Variants in STAB2 observed in about 807,000 individuals in gnomAD.
STAB2 encodes the protein stabilin 2.
A neutral mutation model predicts 338.1 loss-of-function variants in STAB2; 288 were observed. The observed-to-expected ratio is 0.85, with a 90% confidence interval of 0.77 to 0.94. The LOEUF is 0.94. Among genes scored for constraint, STAB2 ranks in the 40% least tolerant of loss-of-function variants. STAB2 has a pLI of 0.00. For synonymous variants in STAB2, 1,202 were observed against 1,193.3 expected, an observed-to-expected ratio of 1.01 and a Z score of -0.15; for missense variants, 3,141 against 3,210.1, an observed-to-expected ratio of 0.98 and a Z score of 0.52.
intron 2 of STAB2, among the ~76,000 whole-genome samples, chr12:103,593,527 C>T (rs942736113): frequency 6.6e-6 from 1 of 152,178 alleles, no homozygotes; most frequent in Non-Finnish European, 1.5e-5. Flanking sequence ...TTCTGCCCAC[C>T]TTCGTGAAGA....
In STAB2 at chr12:103,725,058, T is replaced by C; in HGVS notation, c.4767T>C (p.Ile1589=). ...ERTCTCKPNY[I]GDGFTCRGSI... ...CTTGTACTTGCAAGCCAAACTACAT[T>C]GGAGATGGATTTACCTGCCGCGGCA... Residue 1589 remains isoleucine (I), a synonymous_variant, in exon 45 of 69, where the codon ATT becomes ATC. Transcript: ENST00000388887. 2 of 1,613,476 alleles carry C rather than the reference T, an allele frequency of 1.2e-6. No homozygotes were observed. The highest frequency in any genetic ancestry group is 1.1e-5 in the South Asian group (1 of 91,058).
intron 39 of STAB2, among the ~76,000 whole-genome samples, chr12:103,710,499 T>A (rs1316916184): frequency 6.6e-6 from 1 of 152,176 alleles, no homozygotes; most frequent in Admixed American, 6.5e-5. Context: ...CCTCCCTCTG[T>A]GACCAGCCAG....
At chr12:103,660,830 C>T in intron 17 of STAB2, 67 bp downstream of exon 17, 1 of 1,508,488 alleles carries the variant, frequency 6.6e-7, no homozygotes, top group Non-Finnish European at 9.2e-7. Context: ...GATTATTCAT[C>T]AGGTTATCCT....
intron 39 of STAB2, 31 bp from the exon 40 acceptor site, chr12:103,711,440 G>A: frequency 6.2e-7 from 1 of 1,613,916 alleles, no homozygotes; most frequent in Non-Finnish European, 8.5e-7. Flanking sequence ...TTAGTAAGAG[G>A]GCTAAGACAG....
At chr12:103,628,087 T>C (rs1248734854) in intron 5 of STAB2, among the ~76,000 whole-genome samples, 2 of 152,222 alleles carry the variant, frequency 1.3e-5, no homozygotes, top group Non-Finnish European at 2.9e-5. Context: ...CTCCAGAACT[T>C]GTTTATTCCA....
intron 21 of STAB2, among the ~76,000 whole-genome samples, chr12:103,669,985 C>T (rs1565999626): frequency 6.6e-6 from 1 of 152,196 alleles, no homozygotes; most frequent in Non-Finnish European, 1.5e-5. Flanking sequence ...TAAAAAATAG[C>T]TCTGCCTCCT....
intron 2 of STAB2, among the ~76,000 whole-genome samples, chr12:103,591,936 G>A (rs1385811843): frequency 3.3e-5 from 5 of 152,036 alleles, no homozygotes; most frequent in East Asian, 3.9e-4. Context: ...TTTTAATTCC[G>A]GATGGAAGGA....
chr12:103,635,516 C>T (rs928344472), intron 6 of STAB2, among the ~76,000 whole-genome samples: 1 of 152,206 alleles, frequency 6.6e-6, no homozygotes, highest in African/African-American at 2.4e-5. Flanking sequence ...TGCACACTGT[C>T]CAGTGCTTGA....
At chr12:103,741,417 C>A (rs989844443) in intron 55 of STAB2, among the ~76,000 whole-genome samples, 2 of 152,160 alleles carry the variant, frequency 1.3e-5, no homozygotes, top group Non-Finnish European at 2.9e-5. Flanking sequence ...ATCTGGGCAA[C>A]AACCCCTAGG....
intron 26 of STAB2, 98 bp downstream of exon 26, chr12:103,683,398 A>T: frequency 9.6e-7 from 1 of 1,039,070 alleles, no homozygotes; most frequent in South Asian, 1.8e-5. Flanking sequence ...TGATGAACAA[A>T]ATCTCTTACC....
chr12:103,765,404 T>C (rs1232484783), intron 68 of STAB2, among the ~76,000 whole-genome samples: 7 of 152,224 alleles, frequency 4.6e-5, no homozygotes, highest in Admixed American at 4.6e-4. Context: ...AGTGACGTGC[T>C]ACATTCTCAC....
intron 25 of STAB2, among the ~76,000 whole-genome samples, chr12:103,680,285 T>C (rs1018433974): frequency 1.3e-4 from 20 of 152,332 alleles, no homozygotes; most frequent in African/African-American, 4.6e-4. Context: ...ATGATACATT[T>C]TCTCATACAT....
intron 51 of STAB2, 92 bp from the exon 52 acceptor site, chr12:103,735,399 C>A: frequency 1.4e-6 from 1 of 733,230 alleles, no homozygotes; most frequent in Non-Finnish European, 2.2e-6. Flanking sequence ...GAAAAATTTG[C>A]ATCTGAATTT....
At chr12:103,730,933 C>A (rs950668340) in intron 49 of STAB2, among the ~76,000 whole-genome samples, 4 of 152,046 alleles carry the variant, frequency 2.6e-5, no homozygotes, top group African/African-American at 9.7e-5. Context: ...GCCTATAATC[C>A]CAGCTACTTG....
intron 3 of STAB2, among the ~76,000 whole-genome samples, chr12:103,617,755 T>TA (rs1957233026): frequency 1.3e-5 from 2 of 152,352 alleles, no homozygotes; most frequent in African/African-American, 2.4e-5. Flanking sequence ...ACATGCCTGT[T>TA]ACCTGAGCTG....
intron 43 of STAB2, among the ~76,000 whole-genome samples, chr12:103,717,011 AT>A (rs1880370849): frequency 6.6e-6 from 1 of 152,232 alleles, no homozygotes; most frequent in Admixed American, 6.5e-5. Context: ...GGCACCAATG[AT>A]GACTTAAAGT....
chr12:103,593,985 C>G (rs902418530), intron 2 of STAB2, among the ~76,000 whole-genome samples: 4 of 152,182 alleles, frequency 2.6e-5, no homozygotes, highest in African/African-American at 7.2e-5. Context: ...AATAAATATG[C>G]TAAGCCTGAG....
intron 12 of STAB2, among the ~76,000 whole-genome samples, chr12:103,654,010 A>G (rs1873988869): frequency 6.6e-6 from 1 of 151,982 alleles, no homozygotes; most frequent in Non-Finnish European, 1.5e-5. Context: ...GGTTGGAGAG[A>G]TGGATGGAGG....
chr12:103,641,209 G>A (rs1471255564), intron 9 of STAB2, among the ~76,000 whole-genome samples: 9 of 152,216 alleles, frequency 5.9e-5, no homozygotes, highest in Non-Finnish European at 5.9e-5. Flanking sequence ...TGGGTGGTCA[G>A]TGTGTAGATT....
Sources: allele counts gnomAD v4.1 joint callset (sites outside exome capture counted in the v4.1 genomes callset), GRCh38; gene constraint gnomAD v4.1.1; transcripts MANE v1.5; gene names NCBI Gene and HGNC (gene_info 2026-07-23, HGNC 2026-07-21).